Variants in RNF125 observed in about 807,000 individuals in gnomAD.
RNF125 encodes ring finger protein 125.
A neutral mutation model predicts 26.0 loss-of-function variants in RNF125; 21 were observed. The observed-to-expected ratio is 0.81, with a 90% CI of 0.57 to 1.16. The LOEUF (loss-of-function observed/expected upper bound fraction) is 1.16, where lower values mean the gene tolerates loss of function less well. Among genes scored for constraint, RNF125 ranks in the 50% most tolerant of loss-of-function variants. RNF125 has a pLI of 0.00. For missense variants in RNF125, 270 were observed against 299.4 expected, an observed-to-expected ratio of 0.90 and a Z score of 0.72; for synonymous variants, 95 against 109.2, an observed-to-expected ratio of 0.87 and a Z score of 0.81.
intron 4 of RNF125, among the ~76,000 whole-genome samples, chr18:32,053,781 T>A (rs561207649): frequency 8.0e-5 from 12 of 150,114 alleles, no homozygotes; most frequent in African/African-American, 2.5e-4. Flanking sequence ...AAAAAAAAAA[T>A]AGAACTGGAA....
downstream of RNF125, among the ~76,000 whole-genome samples, chr18:32,074,298 A>G (rs1358756750): frequency 6.6e-6 from 1 of 152,192 alleles, no homozygotes; most frequent in Non-Finnish European, 1.5e-5. Flanking sequence ...TGCAAGTCAC[A>G]TGGCCATATG....
downstream of RNF125, among the ~76,000 whole-genome samples, chr18:32,075,188 C>A (rs1184494470): frequency 1.3e-5 from 2 of 152,212 alleles, no homozygotes; most frequent in African/African-American, 2.4e-5. Context: ...TTTTACAATT[C>A]TACTCCATCC....
At chr18:32,090,374 C>A in the RNF125 span, among the ~76,000 whole-genome samples, 1 of 152,254 alleles carries the variant, frequency 6.6e-6, no homozygotes, top group Non-Finnish European at 1.5e-5. Context: ...TCGTCACGTG[C>A]TCTTCCTCCT....
intron 1 of RNF125, among the ~76,000 whole-genome samples, chr18:32,020,002 C>CTGTGTGTGTGTGTGTGTGTG (rs149126113): frequency 4.0e-5 from 6 of 149,898 alleles, no homozygotes; most frequent in African/African-American, 1.5e-4. Flanking sequence ...TCTCTGTTTA[C>CTGTGTGTGTGTGTGTGTGTG]TGTGTGTGTG....
chr18:32,022,652 G>A (rs1426596501), intron 1 of RNF125, among the ~76,000 whole-genome samples: 3 of 152,208 alleles, frequency 2.0e-5, no homozygotes, highest in African/African-American at 7.2e-5. Flanking sequence ...TAGTTATGCA[G>A]ATGAAACTTC....
At chr18:32,087,959 T>C in the RNF125 span, among the ~76,000 whole-genome samples, 3 of 152,190 alleles carry the variant, frequency 2.0e-5, no homozygotes, top group Non-Finnish European at 2.9e-5. Flanking sequence ...CATCCACAAG[T>C]TCCCCAGTAA....
intron 2 of RNF125, among the ~76,000 whole-genome samples, chr18:32,038,181 T>A (rs546016136): frequency 1.3e-5 from 2 of 152,006 alleles, no homozygotes; most frequent in African/African-American, 4.8e-5. Context: ...CCCGAGTAGC[T>A]GGGACTACAG....
chr18:32,035,071 A>G (rs748467297), intron 1 of RNF125, among the ~76,000 whole-genome samples: 6 of 152,276 alleles, frequency 3.9e-5, no homozygotes, highest in Non-Finnish European at 7.4e-5. Context: ...GACATGGTCT[A>G]TACTTGACTT....
At position 32,045,670 on chromosome 18, in the gene RNF125, C is replaced by G. The variant is rs1194506426; in HGVS notation, c.442C>G (p.Leu148Val). ...TGTATGTCCCTTTTGTCAGAGGGAA[C>G]TGTATGAAGACAGCTTGCTGGATCA... ...RCVCPFCQRELYEDSLLDHCI... is the reference protein window; with the variant it reads ...RCVCPFCQREVYEDSLLDHCI... The change falls in exon 4 of 6, where the codon CTG becomes GTG. Residue 148 changes from leucine to valine, a missense_variant. Transcript: ENST00000217740. 6.2e-7 allele frequency: 1 copy of G among 1,611,716 alleles called. No individual in the cohort carries two copies. The highest frequency in any genetic ancestry group is 1.1e-5 in the South Asian group (1 of 90,926).
chr18:32,040,762 C>A (rs1017717034), intron 2 of RNF125, among the ~76,000 whole-genome samples: 2 of 152,208 alleles, frequency 1.3e-5, no homozygotes, highest in South Asian at 4.1e-4. Context: ...TGTTAATTTT[C>A]ATGACTAATG....
the RNF125 span, among the ~76,000 whole-genome samples, chr18:32,090,589 A>G: frequency 5.3e-5 from 8 of 152,220 alleles, no homozygotes; most frequent in Non-Finnish European, 1.2e-4. Flanking sequence ...TGTTAACTCT[A>G]TATATTTCTA....
intron 4 of RNF125, among the ~76,000 whole-genome samples, chr18:32,052,113 C>T (rs901192036): frequency 6.6e-6 from 1 of 152,130 alleles, no homozygotes; most frequent in African/African-American, 2.4e-5. Context: ...AGTTAATTTC[C>T]GTGAGTACTT....
In RNF125 at chr18:32,020,035, T is replaced by TGA. The variant is rs763767520; in HGVS notation, c.164+1025_164+1026dup. Among the ~76,000 whole-genome samples, 837 of 142,156 alleles carry TGA rather than the reference T, an allele frequency of 5.9e-3. 25 individuals carry two copies. The highest frequency in any genetic ancestry group is 0.047 in the Admixed American group (671 of 14,380). The allele number at this position is 142,156 out of a possible 152,430, so 93.3% of individuals were successfully genotyped here. A position where few individuals can be genotyped will look rare whatever the true frequency, so the allele number is the denominator to read the frequency against. On this transcript the variant is annotated intron_variant, in intron 1 of 5. Coordinates refer to ENST00000217740, the MANE Select transcript of RNF125 (RefSeq NM_017831.4). The stretch of plus-strand genomic sequence containing the variant: ...GTGTGTGTGTGTGTGTGTGTGTGTT[T>TGA]GAGAGAGAGAGAGAGAGACGTAGTC...
chr18:32,066,674 T>G (rs901373145), intron 5 of RNF125, among the ~76,000 whole-genome samples: 1 of 152,196 alleles, frequency 6.6e-6, no homozygotes, highest in African/African-American at 2.4e-5. Flanking sequence ...GTTTGTGCAC[T>G]GGTTAAGGGA....
At chr18:32,085,421 TG>T in the RNF125 span, among the ~76,000 whole-genome samples, 1 of 133,788 alleles carries the variant, frequency 7.5e-6, no homozygotes, top group Non-Finnish European at 1.6e-5. Context: ...GAGAGAAAGC[TG>T]GGTGAGGGGG....
chr18:32,056,135 T>TGGAA (rs2039380566), intron 4 of RNF125, among the ~76,000 whole-genome samples: 2 of 152,094 alleles, frequency 1.3e-5, no homozygotes, highest in African/African-American at 2.4e-5. Context: ...TCCTGGAATT[T>TGGAA]GCAAGGATTC....
Position 32,036,557 on chromosome 18 carries a change from A to AAAGG in RNF125, c.165-536_165-533dup, listed in dbSNP as rs149149805. Among the ~76,000 whole-genome samples, 211 of 135,024 alleles carry AAAGG rather than the reference A, an allele frequency of 1.6e-3. 1 individual carries two copies. Among genetic ancestry groups the AAAGG allele is most frequent in the African/African-American group, 4.7e-3 (160 of 33,900 alleles). The allele number at this position is 135,024 out of a possible 152,430, so 88.6% of individuals were successfully genotyped here. On this transcript the variant is annotated intron_variant, in intron 1 of 5. Transcript: ENST00000217740. ...ACCAGAGAACATATTTCTTGACCAG[A>AAAGG]AAGGAAGGAAGGAAGGAAGGAAGGA...
downstream of RNF125, among the ~76,000 whole-genome samples, chr18:32,074,667 T>C (rs2039557663): frequency 2.0e-5 from 3 of 152,112 alleles, no homozygotes; most frequent in Admixed American, 6.6e-5. Context: ...CTCAGTCTCC[T>C]GAGTAGCTGG....
At chr18:32,052,344 T>G (rs1214449429) in intron 4 of RNF125, among the ~76,000 whole-genome samples, 2 of 151,648 alleles carry the variant, frequency 1.3e-5, no homozygotes, top group Admixed American at 1.3e-4. Context: ...TATACAAAAA[T>G]TAGCCAGGCA....
Sources: gnomAD v4.1 joint callset for allele counts (sites outside exome capture counted in the v4.1 genomes callset) on GRCh38, gnomAD v4.1.1 for gene constraint, MANE v1.5 for transcripts, NCBI Gene and HGNC (gene_info 2026-07-23, HGNC 2026-07-21) for gene names.